Variants in DAB2IP observed in about 807,000 individuals in gnomAD.
DAB2IP encodes disabled homolog 2-interacting protein.
Under a neutral mutation model 107.2 loss-of-function variants are expected in DAB2IP, and 28 were observed. That is an observed-to-expected ratio of 0.26 (90% CI 0.19 to 0.36). The LOEUF (loss-of-function observed/expected upper bound fraction) is 0.36. Ranked by LOEUF, DAB2IP falls within the 10% of genes least tolerant of loss-of-function variation. The pLI, the probability that DAB2IP is intolerant of heterozygous loss-of-function variation, is 1.00. For missense variants in DAB2IP, 1,400 were observed against 1,644.7 expected (o/e 0.85, Z 2.57); for synonymous variants, 755 against 706.4 (o/e 1.07, Z -1.09).
At chr9:121,722,449 TC>T (rs1192744004) in intron 3 of DAB2IP, among the ~76,000 whole-genome samples, 1 of 151,964 alleles carries the variant, frequency 6.6e-6, no homozygotes, top group Non-Finnish European at 1.5e-5. Context: ...CGTCTGCCAC[TC>T]CCCCCATGAT....
rs1042992828 is a variant in DAB2IP, at chr9:121,772,076, T to A, written c.2079-531T>A. ...CTCATTCCTTGTTTTTGCCAGGAAC[T>A]CCAGCCCCCGCCTGCCAGTCAAACA... On this transcript the variant is annotated intron_variant, in intron 11 of 15. Transcript: ENST00000408936. This position sits in a 1 kb window ranked among gnomAD's most constrained non-coding sequence, Gnocchi z 4.7. Among the ~76,000 whole-genome samples, 2 of 152,088 alleles carry A rather than the reference T, an allele frequency of 1.3e-5. No homozygotes were observed. Among genetic ancestry groups the A allele is most frequent in the Non-Finnish European group, 2.9e-5 (2 of 68,008 alleles).
At chr9:121,580,054 CT>C (rs1395349984) in intron 1 of DAB2IP, among the ~76,000 whole-genome samples, 1 of 152,146 alleles carries the variant, frequency 6.6e-6, no homozygotes, top group Non-Finnish European at 1.5e-5. Context: ...TAAAGGAGGC[CT>C]GGGCAATGGA....
At chr9:121,641,389 C>T (rs749330739) in intron 1 of DAB2IP, among the ~76,000 whole-genome samples, 4 of 152,184 alleles carry the variant, frequency 2.6e-5, no homozygotes, top group African/African-American at 9.7e-5. Flanking sequence ...AGAACCGTGG[C>T]TCTGGCAGTG....
chr9:121,744,173 G>A (rs2118905592), intron 3 of DAB2IP, among the ~76,000 whole-genome samples: 1 of 152,274 alleles, frequency 6.6e-6, no homozygotes, highest in East Asian at 1.9e-4. Flanking sequence ...TGGGGGCCAT[G>A]GTATCTCTGC....
In DAB2IP at chr9:121,753,585, G is replaced by T. The variant is rs182865727; in HGVS notation, c.363-3428G>T. Among the ~76,000 whole-genome samples the T allele has an allele frequency of 2.1e-3, 314 of 152,280 alleles. 1 individual carries two copies. Among genetic ancestry groups the T allele is most frequent in the Non-Finnish European group, 3.9e-3 (266 of 68,010 alleles). ...ACTGACCTGGTTCCCATCCCAGCAG[G>T]GGGCCTTGGGCGGCTCAAGTAACTG... is the stretch of plus-strand genomic sequence containing the variant. On this transcript the variant is annotated intron_variant, in intron 3 of 15. Transcript: ENST00000408936.
At position 121,773,287 on chromosome 9, in the gene DAB2IP, C is replaced by T. The variant is rs765361316; in HGVS notation, c.2759C>T (p.Pro920Leu). 146 of 1,529,348 alleles carry T rather than the reference C, an allele frequency of 9.5e-5. No homozygotes were observed. Among genetic ancestry groups the T allele is most frequent in the Non-Finnish European group, 2.6e-5 (29 of 1,136,480 alleles). The allele number at this position is 1,529,348 out of a possible 1,614,324, so 94.7% of individuals were successfully genotyped here. The change falls in exon 12 of 16, where the codon CCT becomes CTT. Residue 920 changes from proline to leucine, a missense_variant. Pro to Leu is a moderately conservative substitution (Grantham distance 98). This residue lies in a region of DAB2IP where 600 missense variants were observed against 659.1 expected (regional missense o/e 0.91). Transcript: ENST00000408936. ...GGCCCCCAGAGGAGGATCGACCAGC[C>T]TCCGCCCCCACCCCCGCCGCCACCT...
chr9:121,641,993 C>A (rs1468405507), intron 1 of DAB2IP, among the ~76,000 whole-genome samples: 1 of 23,276 alleles, frequency 4.3e-5, no homozygotes, highest in Non-Finnish European at 6.8e-5. Context: ...TCTTTCTTTC[C>A]TTTCTCTCTC....
chr9:121,737,864 G>A, intron 3 of DAB2IP: 1 of 882,406 alleles, frequency 1.1e-6, no homozygotes, highest in African/African-American at 1.8e-5. Context: ...CTGGTCCCAG[G>A]ACTGAGTCCT....
At chr9:121,729,783 A>G (rs968508924) in intron 3 of DAB2IP, among the ~76,000 whole-genome samples, 10 of 152,224 alleles carry the variant, frequency 6.6e-5, no homozygotes, top group Non-Finnish European at 1.5e-5. Context: ...CACCAACACT[A>G]GAACATTTAC....
At position 121,699,479 on chromosome 9, in the gene DAB2IP, CG is replaced by C; in HGVS notation, c.362+23del. 1 of 1,288,974 alleles carries C rather than the reference CG, an allele frequency of 7.8e-7. No individual in the cohort carries two copies. 79.8% of individuals were successfully genotyped at this position (1,288,974 alleles called of 1,614,324 possible). On this transcript the variant is annotated intron_variant, in intron 3 of 15. Transcript: ENST00000408936. The surrounding 1 kb of genome is among the most constrained non-coding windows in gnomAD (Gnocchi z 6.2). ...GAGAGGTGAGCCCGCCGCCGCCGCC[CG>C]GTCCCCCGCGCCGCCGCCCCGGGCT...
upstream of DAB2IP, among the ~76,000 whole-genome samples, chr9:121,651,020 C>G (rs1470081975): frequency 6.6e-6 from 1 of 152,154 alleles, no homozygotes; most frequent in Non-Finnish European, 1.5e-5. This position sits in a 1 kb window ranked among gnomAD's most constrained non-coding sequence, Gnocchi z 5.1. Context: ...GGAGTTGGTA[C>G]CTTTCCTTCT....
In DAB2IP at chr9:121,634,568, G is replaced by C. The variant is rs1322411826; in HGVS notation, c.41-44110G>C. 1.3e-5 allele frequency among the ~76,000 whole-genome samples: 2 copies of C among 152,152 alleles called. No individual in the cohort carries two copies. The highest frequency in any genetic ancestry group is 2.9e-5 in the Non-Finnish European group (2 of 68,042). On this transcript the variant is annotated intron_variant, in intron 1 of 16. Transcript: ENST00000259371. The surrounding 1 kb of genome is among the most constrained non-coding windows in gnomAD (Gnocchi z 4.7). ...CCTCGGTGCGCAGTTTGGAAGGGGT[G>C]ACGCGCAGGTCTGAGAATGGGTGGG...
intron 14 of DAB2IP, among the ~76,000 whole-genome samples, chr9:121,780,321 C>G (rs1835517941): frequency 6.6e-6 from 1 of 152,210 alleles, no homozygotes. Context: ...ACTGGGGAAC[C>G]TGCCCCGGAG....
intron 1 of DAB2IP, among the ~76,000 whole-genome samples, chr9:121,629,095 AC>A (rs890416931): frequency 1.3e-5 from 2 of 151,688 alleles, no homozygotes; most frequent in African/African-American, 4.8e-5. Flanking sequence ...GCCTAGTAGA[AC>A]CCCCCAGACT....
chr9:121,777,602 C>G (rs1444860461), intron 14 of DAB2IP, among the ~76,000 whole-genome samples: 1 of 152,240 alleles, frequency 6.6e-6, no homozygotes, highest in Non-Finnish European at 1.5e-5. Context: ...AATATTTCCT[C>G]CTTAATGTAA....
intron 1 of DAB2IP, among the ~76,000 whole-genome samples, chr9:121,597,866 G>C (rs915717350): frequency 4.6e-5 from 7 of 152,208 alleles, no homozygotes; most frequent in Non-Finnish European, 2.9e-5. Flanking sequence ...CCTGGTATCG[G>C]ATTTCACTCC....
intron 1 of DAB2IP, among the ~76,000 whole-genome samples, chr9:121,584,258 A>C (rs1283497094): frequency 6.6e-6 from 1 of 152,158 alleles, no homozygotes; most frequent in Non-Finnish European, 1.5e-5. Context: ...TAATAATCAT[A>C]ATAATAATAC....
rs1388021913 is a variant in DAB2IP at position 121,577,984 on chromosome 9, T to TCCAC, written c.40+10756_40+10757insCCAC. 9.9e-5 allele frequency among the ~76,000 whole-genome samples: 15 copies of TCCAC among 151,652 alleles called. 1 individual carries two copies. In the East Asian group the frequency reaches 3.0e-3, roughly 30 times the overall value. ...GGTAGAGGTGGAGATCTCTCCCTCCTGGGAAGGCCTGTGCTTGACTGAGAA... is the reference window on the plus strand; with the variant it reads ...GGTAGAGGTGGAGATCTCTCCCTCCTCCACGGGAAGGCCTGTGCTTGACTGAGAA... On this transcript the variant is annotated intron_variant, in intron 1 of 16. Coordinates refer to the DAB2IP transcript ENST00000259371.
upstream of DAB2IP, among the ~76,000 whole-genome samples, chr9:121,648,270 A>T (rs149965406): frequency 9.1e-4 from 139 of 152,336 alleles, no homozygotes; most frequent in African/African-American, 3.2e-3. Flanking sequence ...TAAAAAATTT[A>T]AAAAATAAAA....
Sources: allele counts gnomAD v4.1 joint callset (sites outside exome capture counted in the v4.1 genomes callset), GRCh38; gene constraint gnomAD v4.1.1; regional missense constraint gnomAD v4.1.1; non-coding constraint Gnocchi (gnomAD v3.1); transcripts MANE v1.5; gene names NCBI Gene and HGNC (gene_info 2026-07-23, HGNC 2026-07-21).